The following AFAP1 variants were observed in gnomAD, a reference collection of about 807,000 sequenced individuals.
The protein encoded by AFAP1 is actin filament associated protein 1.
AFAP1 carries 75 observed loss-of-function variants against 93.9 expected under a neutral mutation model. The observed-to-expected ratio is 0.80, with a 90% CI of 0.66 to 0.97. The LOEUF is 0.97. Among genes scored for constraint, AFAP1 ranks in the 50% least tolerant of loss-of-function variants. The pLI, the probability that AFAP1 is intolerant of heterozygous loss-of-function variation, is 0.00. For missense variants in AFAP1, 1,201 were observed against 1,050.8 expected, an observed-to-expected ratio of 1.14 and a Z score of -1.98; for synonymous variants, 517 against 430.7, an observed-to-expected ratio of 1.20 and a Z score of -2.48.
In AFAP1 at chr4:7,772,840, A is replaced by T. The variant is rs1345681552; in HGVS notation, c.2233T>A (p.Ser745Thr). The T allele has an allele frequency of 1.2e-6, 2 of 1,613,886 alleles. No homozygotes were observed. Among genetic ancestry groups the T allele is most frequent in the Non-Finnish European group, 1.7e-6 (2 of 1,179,960 alleles). The change falls in exon 16 of 18, where the codon TCA becomes ACA. Residue 745 changes from serine to threonine, a missense_variant. By Grantham distance (58) the Ser-to-Thr change is moderately conservative. Transcript: ENST00000420658. ...VTLGLAIEPKSGTSSPQSPVF... is the reference protein window; with the variant it reads ...VTLGLAIEPKTGTSSPQSPVF... ...CACACCTGTGGACTCGATGTCCCTG[A>T]CTTGGGCTCGATGGCCAGCCCCAGG...
At chr4:7,886,354 C>G (rs1217193567) in intron 1 of AFAP1, among the ~76,000 whole-genome samples, 1 of 152,208 alleles carries the variant, frequency 6.6e-6, no homozygotes, top group Non-Finnish European at 1.5e-5. Flanking sequence ...AAAGGGAAAG[C>G]AAATCAAATC....
chr4:7,816,487 C>A (rs1243076504), intron 7 of AFAP1, among the ~76,000 whole-genome samples: 1 of 152,190 alleles, frequency 6.6e-6, no homozygotes, highest in Non-Finnish European at 1.5e-5. Flanking sequence ...CATTTAATTT[C>A]TTCCTGTCAT....
intron 1 of AFAP1, among the ~76,000 whole-genome samples, chr4:7,903,101 C>T (rs1311616891): frequency 6.6e-6 from 1 of 152,180 alleles, no homozygotes; most frequent in East Asian, 1.9e-4. Flanking sequence ...CTTATGATCC[C>T]TATTCACAGA....
At chr4:7,880,004 C>T (rs1024284853) in intron 1 of AFAP1, among the ~76,000 whole-genome samples, 2 of 151,966 alleles carry the variant, frequency 1.3e-5, no homozygotes, top group Non-Finnish European at 2.9e-5. Flanking sequence ...TCCCACAGCC[C>T]TAAAGAAGCA....
At chr4:7,787,795 G>A (rs1041790124) in intron 11 of AFAP1, among the ~76,000 whole-genome samples, 8 of 152,102 alleles carry the variant, frequency 5.3e-5, no homozygotes, top group Admixed American at 1.3e-4. Context: ...TCGGGGCTCC[G>A]AGGGACTGGG....
Position 7,816,088 on chromosome 4 carries a change from T to C in AFAP1, c.834A>G (p.Ser278=), listed in dbSNP as rs771691889. ...HKAELEKKLS[S]ERPSSDGEGV... ...CCTCCCCATCTGAGCTGGGTCTCTCTGAAGACAGTTTCTGTAAGGAGAAAA... is the reference window on the plus strand; with the variant it reads ...CCTCCCCATCTGAGCTGGGTCTCTCCGAAGACAGTTTCTGTAAGGAGAAAA... The change falls in exon 8 of 18, where the codon TCA becomes TCG. Residue 278 remains serine (S), a synonymous_variant. Transcript: ENST00000420658. 1.2e-6 allele frequency: 2 copies of C among 1,612,208 alleles called. No individual in the cohort carries two copies. Among genetic ancestry groups the C allele is most frequent in the South Asian group, 1.1e-5 (1 of 90,850 alleles).
chr4:7,879,699 C>CTTTTTTTTTTTTT (rs552211338), intron 1 of AFAP1, among the ~76,000 whole-genome samples: 15 of 121,706 alleles, frequency 1.2e-4, no homozygotes, highest in African/African-American at 3.4e-4. Context: ...TGCTTGCTTG[C>CTTTTTTTTTTTTT]TTTTTTTTTT....
chr4:7,863,905 T>G (rs780860483), intron 3 of AFAP1, among the ~76,000 whole-genome samples: 3 of 152,140 alleles, frequency 2.0e-5, no homozygotes, highest in Non-Finnish European at 4.4e-5. Flanking sequence ...AAGTAAATTG[T>G]ACACTAAAAG....
intron 8 of AFAP1, 36 bp downstream of exon 8, chr4:7,815,982 T>C: frequency 3.9e-6 from 6 of 1,524,814 alleles, no homozygotes; most frequent in Non-Finnish European, 5.3e-6. Flanking sequence ...TTTTTTTTTT[T>C]AGTGTATATA....
chr4:7,918,928 T>TGCCAGAA (rs1720270998), intron 1 of AFAP1, among the ~76,000 whole-genome samples: 1 of 101,958 alleles, frequency 9.8e-6, no homozygotes, highest in East Asian at 3.1e-4. Context: ...GGCTGCCGGA[T>TGCCAGAA]GAGACACTCG....
At chr4:7,895,836 G>C (rs1390360323) in intron 1 of AFAP1, among the ~76,000 whole-genome samples, 1 of 148,618 alleles carries the variant, frequency 6.7e-6, no homozygotes, top group African/African-American at 2.5e-5. Flanking sequence ...ACATGGAAGT[G>C]TGTGTTCTTC....
At chr4:7,796,668 G>A (rs989698697) in intron 10 of AFAP1, among the ~76,000 whole-genome samples, 16 of 150,936 alleles carry the variant, frequency 1.1e-4, no homozygotes, top group African/African-American at 2.7e-4. Context: ...GGAGAATGGC[G>A]TGAACCCGGG....
At chr4:7,821,665 G>A in intron 6 of AFAP1, among the ~76,000 whole-genome samples, 1 of 152,200 alleles carries the variant, frequency 6.6e-6, no homozygotes, top group East Asian at 1.9e-4. Flanking sequence ...TGCAATTTCA[G>A]TTAAACTCAA....
chr4:7,767,058 G>T lies in AFAP1; in HGVS notation c.2418+1786C>A, dbSNP rs374668727. Among the ~76,000 whole-genome samples, 9 of 152,322 alleles carry T rather than the reference G, an allele frequency of 5.9e-5. No homozygotes were observed. The East Asian group carries it at 1.5e-3, about 26-fold the overall frequency. The stretch of plus-strand genomic sequence containing the variant: ...GCATTCATGTTCTCAGGGTCTACAG[G>T]CCCCACCACCTCCAGCCAGGGGTCC... On this transcript the variant is annotated intron_variant, in intron 17 of 17. Coordinates refer to ENST00000420658, the MANE Select transcript of AFAP1 (RefSeq NM_001134647.2).
At chr4:7,777,579 G>A (rs1716275795) in intron 14 of AFAP1, 1 of 152,236 alleles carries the variant, frequency 6.6e-6, no homozygotes, top group African/African-American at 2.4e-5. Flanking sequence ...CAGCTGGTGT[G>A]GGGGTTACCA....
rs1298467090 is a variant in AFAP1, at chr4:7,762,000, CTGGCTGA to C, written c.*1758_*1764del. 1 of 152,298 alleles carries C rather than the reference CTGGCTGA, an allele frequency of 6.6e-6. No individual in the cohort carries two copies. Among genetic ancestry groups the C allele is most frequent in the Admixed American group, 6.5e-5 (1 of 15,288 alleles). 9.4% of individuals were successfully genotyped at this position (152,298 alleles called of 1,614,324 possible). On this transcript the variant is annotated 3_prime_UTR_variant, in exon 18 of 18. Transcript: ENST00000420658. ...ACGTGCATCAGAGGGGAAAGAAAGG[CTGGCTGA>C]TGGCTCAGGAACCCAAAACCGTTCC...
chr4:7,864,119 A>C (rs80115971), intron 3 of AFAP1, among the ~76,000 whole-genome samples: 127 of 38,388 alleles, frequency 3.3e-3, no homozygotes, highest in South Asian at 0.013. Context: ...ATCACAACCC[A>C]TTCCCAACTT....
rs116827806 is a variant in AFAP1 at position 7,876,098 on chromosome 4, A to T, written c.-2-4018T>A. Among the ~76,000 whole-genome samples the T allele has an allele frequency of 5.9e-3, 902 of 152,338 alleles. 7 individuals are homozygous for T. The highest frequency in any genetic ancestry group is 0.019 in the African/African-American group (789 of 41,568). On this transcript the variant is annotated intron_variant, in intron 1 of 17. Transcript: ENST00000420658. ...TATTTAATTTAAAAAAGGAAAGAGAATTTGCTTGGGTTCCACCTAACAGCA... is the reference window on the plus strand; with the variant it reads ...TATTTAATTTAAAAAAGGAAAGAGATTTTGCTTGGGTTCCACCTAACAGCA...
chr4:7,828,664 C>A (rs1721640040), intron 6 of AFAP1, among the ~76,000 whole-genome samples: 1 of 152,210 alleles, frequency 6.6e-6, no homozygotes, highest in Admixed American at 6.5e-5. Flanking sequence ...ATGCTTTCTG[C>A]CATTGTGAAC....
Sources: gnomAD v4.1 joint callset for allele counts (sites outside exome capture counted in the v4.1 genomes callset) on GRCh38, gnomAD v4.1.1 for gene constraint, MANE v1.5 for transcripts, NCBI Gene and HGNC (gene_info 2026-07-23, HGNC 2026-07-21) for gene names.